Variants in CFAP46 observed in about 807,000 individuals in gnomAD.
CFAP46 encodes cilia- and flagella-associated protein 46.
Under a neutral mutation model 325.7 loss-of-function variants are expected in CFAP46, and 245 were observed. That is an observed-to-expected ratio of 0.75 (90% CI 0.68 to 0.84). The LOEUF is 0.84. CFAP46 is among the 40% of genes least tolerant of loss of function. The pLI is 0.00. For synonymous variants in CFAP46, 1,523 were observed against 1,495.9 expected, an observed-to-expected ratio of 1.02 and a Z score of -0.42; for missense variants, 3,346 against 3,543.0, an observed-to-expected ratio of 0.94 and a Z score of 1.41.
Position 132,922,477 on chromosome 10 carries a change from C to G in CFAP46, c.1485+3G>C, listed in dbSNP as rs755273279. The G allele has an allele frequency of 1.3e-5, 20 of 1,529,506 alleles. No individual in the cohort carries two copies. Among genetic ancestry groups the G allele is most frequent in the Middle Eastern group, 2.1e-4 (1 of 4,682 alleles). 94.7% of individuals were successfully genotyped at this position (1,529,506 alleles called of 1,614,324 possible). A position where few individuals can be genotyped will look rare whatever the true frequency, so the allele number is the denominator to read the frequency against. On this transcript the variant is annotated splice_donor_region_variant and intron_variant, in intron 12 of 57. Transcript: ENST00000368586. The stretch of plus-strand genomic sequence containing the variant: ...AGCCTCCCTCACTTCCCCGGGGCGG[C>G]ACCTGCTCAACGGCCATGATGGCCT...
rs775679745 is a variant in CFAP46 at position 132,847,241 on chromosome 10, C to T, written c.6033G>A (p.Pro2011=). The T allele has an allele frequency of 4.3e-6, 7 of 1,613,276 alleles. No homozygotes were observed. Among genetic ancestry groups the T allele is most frequent in the Middle Eastern group, 3.3e-4 (2 of 6,062 alleles). The change falls in exon 42 of 58, where the codon CCG becomes CCA. Residue 2011 remains proline (P), a synonymous_variant. Transcript: ENST00000368586. The surrounding 1 kb of genome is among the most constrained non-coding windows in gnomAD (Gnocchi z 5.2). Reference sequence around the variant, plus strand: ...CCTCCGGGGCTGCCCTGGAGGCCGGCGGGTCCCTGCTGGACTTTGTGGCAC... The same window carrying T: ...CCTCCGGGGCTGCCCTGGAGGCCGGTGGGTCCCTGCTGGACTTTGTGGCAC... ...EEGATKSSRD[P]PASRAAPEEH...
In CFAP46 at chr10:132,824,101, TG is replaced by T. The variant is rs562734224; in HGVS notation, c.7118-9188del. ...TGTGCACTGTGTGCTGTGTGTGCGG[TG>T]ATGTGTGCTGTGTGCGCTGATGTGT... On this transcript the variant is annotated intron_variant, in intron 50 of 57. Transcript: ENST00000368586. 3.4e-3 allele frequency among the ~76,000 whole-genome samples: 440 copies of T among 128,618 alleles called. 2 individuals carry two copies. The highest frequency in any genetic ancestry group is 6.3e-3 in the Admixed American group (80 of 12,714). 84.4% of individuals were successfully genotyped at this position (128,618 alleles called of 152,430 possible). A position where few individuals can be genotyped will look rare whatever the true frequency, so the allele number is the denominator to read the frequency against.
Position 132,877,022 on chromosome 10 carries a change from CG to C in CFAP46, c.4213-62del. 2.0e-6 allele frequency: 3 copies of C among 1,498,308 alleles called. No homozygotes were observed. Among genetic ancestry groups the C allele is most frequent in the Non-Finnish European group, 2.7e-6 (3 of 1,112,614 alleles). 92.8% of individuals were successfully genotyped at this position (1,498,308 alleles called of 1,614,324 possible). A position where few individuals can be genotyped will look rare whatever the true frequency, so the allele number is the denominator to read the frequency against. ...GTGGAGGTGAAACAGCAGACACCCC[CG>C]GCCCACCGGCATGGCTGTGCAGCAT... On this transcript the variant is annotated intron_variant, in intron 30 of 57. Transcript: ENST00000368586. The surrounding 1 kb of genome is among the most constrained non-coding windows in gnomAD (Gnocchi z 5.7).
At chr10:132,813,105 C>T (rs1847615093) in intron 54 of CFAP46, among the ~76,000 whole-genome samples, 1 of 152,152 alleles carries the variant, frequency 6.6e-6, no homozygotes, top group Non-Finnish European at 1.5e-5. Flanking sequence ...TCAAGGGGAC[C>T]CACGGTGAGC....
intron 50 of CFAP46, among the ~76,000 whole-genome samples, chr10:132,815,697 G>A (rs1043566013): frequency 2.6e-5 from 4 of 152,204 alleles, no homozygotes; most frequent in African/African-American, 9.7e-5. Flanking sequence ...GAGGAGGGAG[G>A]ATCGCTTGAG....
rs1158736454 is a variant in CFAP46, at chr10:132,814,824, T to C, written c.7188+20A>G. ...CGCTGTGCCCACCAGCCCGATCCCC[T>C]ATCACAGGCCCCCACCCACCTTCCT... On this transcript the variant is annotated intron_variant, in intron 51 of 57. Transcript: ENST00000368586. 1 of 1,613,938 alleles carries C rather than the reference T, an allele frequency of 6.2e-7. No individual in the cohort carries two copies. The highest frequency in any genetic ancestry group is 1.3e-5 in the African/African-American group (1 of 74,940).
intron 44 of CFAP46, among the ~76,000 whole-genome samples, chr10:132,842,705 C>T (rs2082651946): frequency 6.6e-6 from 1 of 152,188 alleles, no homozygotes; most frequent in Non-Finnish European, 1.5e-5. Flanking sequence ...TTATTTCTTA[C>T]AGTTCTGGAG....
At position 132,919,636 on chromosome 10, in the gene CFAP46, T is replaced by C. The variant is rs10870206; in HGVS notation, c.1731-194A>G. Among the ~76,000 whole-genome samples, 6,517 of 152,026 alleles carry C rather than the reference T, an allele frequency of 0.043. 191 individuals carry two copies. Among genetic ancestry groups the C allele is most frequent in the African/African-American group, 0.074 (3,086 of 41,484 alleles). On this transcript the variant is annotated intron_variant, in intron 14 of 57. Coordinates refer to ENST00000368586, the MANE Select transcript of CFAP46 (RefSeq NM_001200049.3). The surrounding 1 kb of genome is among the most constrained non-coding windows in gnomAD (Gnocchi z 9.7). ...CAGGGTCGGGCGCAGCTCTCCGCTC[T>C]CCCTGCCAGCCAGCTGTGCGCGGCA...
At chr10:132,908,300 G>T in intron 22 of CFAP46, 168 bp downstream of exon 22, 1 of 740,074 alleles carries the variant, frequency 1.4e-6, no homozygotes, top group Non-Finnish European at 2.1e-6. Flanking sequence ...GGGACCTGGT[G>T]GGGCGCTCAC....
intron 10 of CFAP46, 151 bp downstream of exon 10, chr10:132,926,417 A>G (rs1849812111): frequency 6.2e-6 from 4 of 643,902 alleles, no homozygotes; most frequent in Admixed American, 2.3e-5. Flanking sequence ...GGCTGGACTC[A>G]CACCCGCTGT....
chr10:132,861,099 AC>A, intron 35 of CFAP46, 117 bp from the exon 36 acceptor site: 1 of 1,032,114 alleles, frequency 9.7e-7, no homozygotes, highest in Non-Finnish European at 1.4e-6. Flanking sequence ...AGACAGACGC[AC>A]CAGGTGAGGG....
chr10:132,834,052 G>C lies in CFAP46; in HGVS notation c.6938C>G (p.Thr2313Arg), dbSNP rs138787269. Reference protein sequence around the residue: ...KGKDKERKTSTGQHSTVQPEV... With the variant: ...KGKDKERKTSRGQHSTVQPEV... ...CCCGCCCCACTCACTGTGTTGTCCT[G>C]TGGACGTTTTCCTCTCCTTGTCTTT... Residue 2313 changes from threonine to arginine, a missense_variant, in exon 49 of 58, where the codon ACA becomes AGA. Transcript: ENST00000368586. The C allele has an allele frequency of 3.1e-6, 5 of 1,614,038 alleles. No individual in the cohort carries two copies. The highest frequency in any genetic ancestry group is 4.2e-6 in the Non-Finnish European group (5 of 1,179,926).
Position 132,885,860 on chromosome 10 carries a change from T to A in CFAP46, c.3404A>T (p.Asp1135Val), listed in dbSNP as rs1224668676. The change falls in exon 26 of 58, where the codon GAC becomes GTC. Residue 1135 changes from aspartate (D) to valine (V), a missense_variant. By Grantham distance (152) the Asp-to-Val change is radical (BLOSUM62 -3). Coordinates refer to ENST00000368586, the MANE Select transcript of CFAP46 (RefSeq NM_001200049.3). The stretch of plus-strand genomic sequence containing the variant: ...CCTTGGCAGCACCTGCACAGCCTCG[T>A]CCAGCACCTTGAGGCCGCCCTCCCA... ...DDWEGGLKVLDEAVQVLPRTA... is the reference protein window; with the variant it reads ...DDWEGGLKVLVEAVQVLPRTA... 6.5e-7 allele frequency: 1 copy of A among 1,549,350 alleles called. No homozygotes were observed. Among genetic ancestry groups the A allele is most frequent in the South Asian group, 1.2e-5 (1 of 84,028 alleles).
At position 132,872,829 on chromosome 10, in the gene CFAP46, A is replaced by G. The variant is rs1286977624; in HGVS notation, c.4363-5T>C. 1 of 1,551,140 alleles carries G rather than the reference A, an allele frequency of 6.4e-7. No individual in the cohort carries two copies. Among genetic ancestry groups the G allele is most frequent in the Non-Finnish European group, 8.7e-7 (1 of 1,147,098 alleles). On this transcript the variant is annotated splice_polypyrimidine_tract_variant and splice_region_variant and intron_variant, in intron 31 of 57. Coordinates refer to ENST00000368586, the MANE Select transcript of CFAP46 (RefSeq NM_001200049.3). ...CAGGAAATACAAACTGTATGTCTACATGGACACATAACACACACAGGAGGT... is the reference window on the plus strand; with the variant it reads ...CAGGAAATACAAACTGTATGTCTACGTGGACACATAACACACACAGGAGGT...
intron 13 of CFAP46, among the ~76,000 whole-genome samples, chr10:132,921,838 G>A (rs1383581662): frequency 6.6e-6 from 1 of 152,224 alleles, no homozygotes; most frequent in Non-Finnish European, 1.5e-5. Flanking sequence ...GCTGGGAGGA[G>A]TAAGTTCCCG....
intron 31 of CFAP46, 96 bp from the exon 32 acceptor site, chr10:132,872,920 C>A: frequency 7.2e-7 from 1 of 1,386,096 alleles, no homozygotes; most frequent in South Asian, 1.3e-5. Flanking sequence ...CCTCCCCATG[C>A]CAGCACATGT....
rs552882485 is a variant in CFAP46, at chr10:132,913,568, T to C, written c.2121-310A>G. Among the ~76,000 whole-genome samples the C allele has an allele frequency of 3.3e-5, 5 of 152,238 alleles. No individual in the cohort carries two copies. In the South Asian group the frequency reaches 1.0e-3, roughly 32 times the overall value. On this transcript the variant is annotated intron_variant, in intron 17 of 57. Coordinates refer to ENST00000368586, the MANE Select transcript of CFAP46 (RefSeq NM_001200049.3). Reference sequence around the variant, plus strand: ...GAATTGAACACCTGATGATCTGAGGTGGAAACGTTTCATCCCGCGACCAGC... The same window carrying C: ...GAATTGAACACCTGATGATCTGAGGCGGAAACGTTTCATCCCGCGACCAGC...
rs1392754971 is a variant in CFAP46 at position 132,872,609 on chromosome 10, C to T, written c.4511+67G>A. 7.9e-6 allele frequency: 12 copies of T among 1,522,568 alleles called. No homozygotes were observed. The South Asian group carries it at 1.1e-4, about 14-fold the overall frequency. The allele number at this position is 1,522,568 out of a possible 1,614,324, so 94.3% of individuals were successfully genotyped here. ...ACACAGTCAACTACAGAATTAATAC[C>T]TTAACATGTTGTTTATTTTTGTTTT... is the stretch of plus-strand genomic sequence containing the variant. On this transcript the variant is annotated intron_variant, in intron 32 of 57. Coordinates refer to ENST00000368586, the MANE Select transcript of CFAP46 (RefSeq NM_001200049.3).
chr10:132,834,499 G>A (rs534039711), intron 48 of CFAP46, among the ~76,000 whole-genome samples, 155 bp downstream of exon 48: 15 of 152,338 alleles, frequency 9.8e-5, no homozygotes, highest in African/African-American at 3.4e-4. Flanking sequence ...GGCAGAACCA[G>A]AAGAATTGCT....
Sources: gnomAD v4.1 joint callset for allele counts (sites outside exome capture counted in the v4.1 genomes callset) on GRCh38, gnomAD v4.1.1 for gene constraint, Gnocchi (gnomAD v3.1) non-coding constraint, MANE v1.5 for transcripts, NCBI Gene and HGNC (gene_info 2026-07-23, HGNC 2026-07-21) for gene names.